NAF1: variants seen among roughly 807,000 people sequenced by gnomAD.
The protein encoded by NAF1 is nuclear assembly factor 1 ribonucleoprotein.
Under a neutral mutation model 40.6 loss-of-function variants are expected in NAF1, and 11 were observed. The observed-to-expected ratio is 0.27, with a 90% CI of 0.17 to 0.45. NAF1 has a LOEUF of 0.45. Ranked by LOEUF, NAF1 falls within the 20% of genes least tolerant of loss-of-function variation. NAF1 has a pLI of 1.00. For missense variants in NAF1, 607 were observed against 611.1 expected (o/e 0.99, Z 0.07); for synonymous variants, 260 against 228.5 (o/e 1.14, Z -1.24).
chr4:163,152,985 C>G (rs1017248261), intron 2 of NAF1, among the ~76,000 whole-genome samples: 3 of 152,206 alleles, frequency 2.0e-5, no homozygotes, highest in African/African-American at 7.2e-5. Context: ...GGGCTTAGCA[C>G]CCGGGCCAGC....
chr4:163,116,061 GAAGTCT>G (rs1407169248), intron 2 of NAF1, among the ~76,000 whole-genome samples: 1 of 152,150 alleles, frequency 6.6e-6, no homozygotes, highest in African/African-American at 2.4e-5. Context: ...ACAGATTTTA[GAAGTCT>G]AAGTTCTTGC....
downstream of NAF1, among the ~76,000 whole-genome samples, chr4:163,108,205 T>G (rs1194890444): frequency 6.6e-6 from 1 of 152,210 alleles, no homozygotes; most frequent in Non-Finnish European, 1.5e-5. Context: ...AAAGATCTTA[T>G]GTCATTCTAC....
At chr4:163,148,318 T>C (rs756224608) in intron 3 of NAF1, 23 bp downstream of exon 3, 1 of 1,432,238 alleles carries the variant, frequency 7.0e-7, no homozygotes, top group South Asian at 1.4e-5. Flanking sequence ...AAACAATTTT[T>C]ATTAATAGAA....
intron 6 of NAF1, among the ~76,000 whole-genome samples, chr4:163,136,650 C>A (rs1731070557): frequency 6.6e-6 from 1 of 152,052 alleles, no homozygotes; most frequent in Non-Finnish European, 1.5e-5. Flanking sequence ...ATTATCAAGT[C>A]ACCTTGGGGC....
At chr4:163,161,842 T>A (rs1264001418) in intron 2 of NAF1, among the ~76,000 whole-genome samples, 2 of 152,194 alleles carry the variant, frequency 1.3e-5, no homozygotes, top group East Asian at 3.9e-4. Context: ...ATGTGGTTTA[T>A]ATAGGGCTGA....
intron 2 of NAF1, among the ~76,000 whole-genome samples, chr4:163,148,899 T>C: frequency 6.6e-6 from 1 of 152,186 alleles, no homozygotes; most frequent in Admixed American, 6.5e-5. Flanking sequence ...CAGCAATCTT[T>C]TCTGCGACTG....
intron 2 of NAF1, among the ~76,000 whole-genome samples, chr4:163,153,853 CTT>C (rs1489725884): frequency 6.6e-6 from 1 of 152,158 alleles, no homozygotes; most frequent in African/African-American, 2.4e-5. Flanking sequence ...TTCTTTCGCT[CTT>C]TGCAATAAAT....
intron 6 of NAF1, among the ~76,000 whole-genome samples, chr4:163,136,505 T>C (rs181370498): frequency 2.1e-4 from 32 of 151,770 alleles, no homozygotes; most frequent in African/African-American, 7.7e-4. Flanking sequence ...TATTCATTGT[T>C]GTAATTCAAA....
chr4:163,149,553 A>G (rs1034958237), intron 2 of NAF1, among the ~76,000 whole-genome samples: 2 of 152,310 alleles, frequency 1.3e-5, no homozygotes, highest in South Asian at 2.1e-4. Context: ...GTCTCAACCA[A>G]CTGATGCAGA....
chr4:163,166,113 T>C lies in NAF1; in HGVS notation c.365+250A>G, dbSNP rs1360561338. Among the ~76,000 whole-genome samples the C allele has an allele frequency of 7.2e-5, 11 of 152,144 alleles. 1 individual carries two copies. In the East Asian group the frequency reaches 1.9e-3, roughly 27 times the overall value. On this transcript the variant is annotated intron_variant, in intron 1 of 7. Transcript: ENST00000274054. The stretch of plus-strand genomic sequence containing the variant: ...AACAAAAAATGATACGATCTATACA[T>C]AGAACCCTTCAGGCCACCAAATTTA...
At chr4:163,152,860 G>A (rs545153096) in intron 2 of NAF1, among the ~76,000 whole-genome samples, 1 of 152,224 alleles carries the variant, frequency 6.6e-6, no homozygotes, top group South Asian at 2.1e-4. Context: ...AGGCGCGAGC[G>A]GGAACCGGGG....
At chr4:163,151,953 G>A (rs1731726718) in intron 2 of NAF1, among the ~76,000 whole-genome samples, 1 of 151,942 alleles carries the variant, frequency 6.6e-6, no homozygotes, top group Non-Finnish European at 1.5e-5. Flanking sequence ...ACATAAGAAA[G>A]CATCATGCTG....
At chr4:163,160,151 T>C (rs969419940) in intron 2 of NAF1, among the ~76,000 whole-genome samples, 4 of 152,176 alleles carry the variant, frequency 2.6e-5, no homozygotes, top group Non-Finnish European at 4.4e-5. Context: ...GTATGCTGCT[T>C]ACAGTGACTG....
chr4:163,127,241 T>C (rs1050943837), downstream of NAF1: 2 of 1,298,344 alleles, frequency 1.5e-6, no homozygotes, highest in African/African-American at 3.1e-5. Flanking sequence ...ATAATTCTCC[T>C]GCCTCAGCCT....
At chr4:163,143,361 T>C (rs922323088) in intron 4 of NAF1, among the ~76,000 whole-genome samples, 19 of 152,260 alleles carry the variant, frequency 1.2e-4, no homozygotes, top group African/African-American at 2.9e-4. Context: ...AGAGAAGATA[T>C]AGAGTGCATG....
chr4:163,126,910 A>G, downstream of NAF1: 2 of 1,485,900 alleles, frequency 1.3e-6, no homozygotes, highest in South Asian at 1.4e-5. Flanking sequence ...TCAAAGGGTC[A>G]TTATTATTTT....
At position 163,129,024 on chromosome 4, in the gene NAF1, G is replaced by A. The variant is rs1301730235; in HGVS notation, c.1358C>T (p.Thr453Ile). 2.3e-6 allele frequency: 3 copies of A among 1,332,872 alleles called. No homozygotes were observed. The African/African-American group carries it at 4.8e-5, about 21-fold the overall frequency. The allele number at this position is 1,332,872 out of a possible 1,614,324, so 82.6% of individuals were successfully genotyped here. The change falls in exon 8 of 8, where the codon ACA becomes ATA. Residue 453 changes from threonine (T) to isoleucine (I), a missense_variant. Around this residue, in one of 3 missense-constraint regions of NAF1, gnomAD observed 189 missense variants for 216.6 expected, o/e 0.87. Coordinates refer to ENST00000274054, the MANE Select transcript of NAF1 (RefSeq NM_138386.3). ...PPPPVNMGWATPNMAAHPLLN... is the reference protein window; with the variant it reads ...PPPPVNMGWAIPNMAAHPLLN... ...TAATGGATGAGCAGCCATGTTTGGT[G>A]TAGCCCAACCCATGTTTACAGGTGG...
intron 2 of NAF1, among the ~76,000 whole-genome samples, chr4:163,161,947 A>G (rs1034719180): frequency 1.3e-5 from 2 of 152,094 alleles, no homozygotes; most frequent in South Asian, 4.1e-4. Flanking sequence ...CTCTCGCACT[A>G]GCCCATGTGC....
intron 6 of NAF1, among the ~76,000 whole-genome samples, chr4:163,136,728 A>G (rs1731073073): frequency 6.6e-6 from 1 of 152,178 alleles, no homozygotes; most frequent in African/African-American, 2.4e-5. Flanking sequence ...AAAGGTAGTT[A>G]TATCGTAAAA....
Sources: allele counts gnomAD v4.1 joint callset (sites outside exome capture counted in the v4.1 genomes callset), GRCh38; gene constraint gnomAD v4.1.1; regional missense constraint gnomAD v4.1.1; transcripts MANE v1.5; gene names NCBI Gene and HGNC (gene_info 2026-07-23, HGNC 2026-07-21).